GRM7: variants seen among roughly 807,000 people sequenced by gnomAD.
The protein encoded by GRM7 is metabotropic glutamate receptor 7.
Under a neutral mutation model 84.5 loss-of-function variants are expected in GRM7, and 35 were observed. The observed-to-expected ratio is 0.41, with a 90% CI of 0.32 to 0.55. The LOEUF is 0.55. GRM7 is among the 20% of genes least tolerant of loss of function. The pLI is 0.19. For missense variants in GRM7, 1,003 were observed against 1,194.6 expected (o/e 0.84, Z 2.36); for synonymous variants, 487 against 455.1 (o/e 1.07, Z -0.89).
intron 6 of GRM7, among the ~76,000 whole-genome samples, chr3:7,458,986 A>G (rs1391179469): frequency 6.6e-6 from 1 of 152,178 alleles, no homozygotes; most frequent in African/African-American, 2.4e-5. Flanking sequence ...AATATTAAAA[A>G]TCTTTTGTTG....
intron 1 of GRM7, among the ~76,000 whole-genome samples, chr3:6,957,089 A>G (rs1020109916): frequency 5.9e-5 from 9 of 152,192 alleles, no homozygotes; most frequent in African/African-American, 1.9e-4. Context: ...AGACCCTTTC[A>G]GTGCCTTCAG....
At chr3:7,205,506 T>G (rs1271051249) in intron 2 of GRM7, among the ~76,000 whole-genome samples, 4 of 152,220 alleles carry the variant, frequency 2.6e-5, no homozygotes, top group Non-Finnish European at 4.4e-5. Flanking sequence ...GTGTGATTAT[T>G]AGGCTGTGCC....
At position 7,489,251 on chromosome 3, in the gene GRM7, A is replaced by C. The variant is rs780691534; in HGVS notation, c.1515+27529A>C. Among the ~76,000 whole-genome samples the C allele has an allele frequency of 1.9e-4, 29 of 152,306 alleles. 2 individuals are homozygous for C. Among genetic ancestry groups the C allele is most frequent in the African/African-American group, 6.5e-4 (27 of 41,576 alleles). Reference sequence around the variant, plus strand: ...TTTTCTCTTCTTTTTCATTTTAAAAATTTTTTTATGAACTAGAAAATGTTA... The same window carrying C: ...TTTTCTCTTCTTTTTCATTTTAAAACTTTTTTTATGAACTAGAAAATGTTA... On this transcript the variant is annotated intron_variant, in intron 7 of 9. Coordinates refer to ENST00000357716, the MANE Select transcript of GRM7 (RefSeq NM_000844.4).
In GRM7 at chr3:6,862,686, C is replaced by CTAACT. The variant is rs113925177; in HGVS notation, c.519+779_519+780insTAACT. ...AGACCTCAGCCCAGGGATGAGCTCA[C>CTAACT]GCGAAACGAAATCGCTCTCCCTGCC... On this transcript the variant is annotated intron_variant, in intron 1 of 9. Transcript: ENST00000357716. This position sits in a 1 kb window ranked among gnomAD's most constrained non-coding sequence, Gnocchi z 5.2. 8.1e-4 allele frequency: 230 copies of CTAACT among 284,110 alleles called. 3 individuals carry two copies. The highest frequency in any genetic ancestry group is 6.1e-4 in the Non-Finnish European group (88 of 143,218). The allele number at this position is 284,110 out of a possible 1,614,324, so 17.6% of individuals were successfully genotyped here.
chr3:7,492,223 T>C (rs1307711705), intron 7 of GRM7, among the ~76,000 whole-genome samples: 2 of 152,194 alleles, frequency 1.3e-5, no homozygotes, highest in Non-Finnish European at 2.9e-5. Context: ...CGAGCTTTCA[T>C]AAAATGAGTT....
Position 7,558,230 on chromosome 3 carries a change from GA to G in GRM7, c.1516-20190del, listed in dbSNP as rs546898738. 3.3e-5 allele frequency among the ~76,000 whole-genome samples: 5 copies of G among 152,016 alleles called. No homozygotes were observed. The East Asian group carries it at 5.8e-4, about 18-fold the overall frequency. On this transcript the variant is annotated intron_variant, in intron 7 of 9. Transcript: ENST00000357716. Reference sequence around the variant, plus strand: ...GGGTTTGCTCATTCCAAGTTCAGGGGAATAATTCTTACCTTATGTAGTTTTT... The same window carrying G: ...GGGTTTGCTCATTCCAAGTTCAGGGGATAATTCTTACCTTATGTAGTTTTT...
intron 7 of GRM7, chr3:7,561,662 C>T (rs1694033833): frequency 2.3e-6 from 1 of 430,254 alleles, no homozygotes; most frequent in Non-Finnish European, 4.8e-6. Context: ...ATCAGATAAG[C>T]ACTCTATTTG....
chr3:7,487,070 C>T (rs1363169868), intron 7 of GRM7, among the ~76,000 whole-genome samples: 1 of 152,090 alleles, frequency 6.6e-6, no homozygotes, highest in Non-Finnish European at 1.5e-5. Context: ...AAGTAAAATA[C>T]AGTTGTGAAG....
At chr3:7,628,040 C>T (rs1305398407) in intron 8 of GRM7, among the ~76,000 whole-genome samples, 1 of 152,174 alleles carries the variant, frequency 6.6e-6, no homozygotes, top group Non-Finnish European at 1.5e-5. Flanking sequence ...CCCGTGCAAA[C>T]TCATGCCCCT....
intron 1 of GRM7, among the ~76,000 whole-genome samples, chr3:7,028,957 C>A (rs907381734): frequency 1.3e-5 from 2 of 152,132 alleles, no homozygotes; most frequent in African/African-American, 2.4e-5. Context: ...TAAAATGGTA[C>A]AGCTGCTGTG....
chr3:7,521,658 C>T (rs534392743), intron 7 of GRM7, among the ~76,000 whole-genome samples: 44 of 152,288 alleles, frequency 2.9e-4, no homozygotes, highest in Admixed American at 1.2e-3. Flanking sequence ...CATTATCCCT[C>T]CACATGACAT....
chr3:7,140,546 T>C (rs1165028047), intron 1 of GRM7, among the ~76,000 whole-genome samples: 1 of 152,090 alleles, frequency 6.6e-6, no homozygotes, highest in Non-Finnish European at 1.5e-5. Context: ...TCATAGGTTC[T>C]TTATTTGTAA....
At chr3:7,232,250 TAA>T (rs879482721) in intron 2 of GRM7, among the ~76,000 whole-genome samples, 1 of 142,822 alleles carries the variant, frequency 7.0e-6, no homozygotes, top group Admixed American at 7.0e-5. Context: ...TCAGATCTTG[TAA>T]AAAAAAAAAA....
At position 7,461,695 on chromosome 3, in the gene GRM7, G is replaced by T. The variant is rs368449370; in HGVS notation, c.1488G>T (p.Gly496=). Residue 496 remains glycine (G), a synonymous_variant, in exon 7 of 10, where the codon GGG becomes GGT. Transcript: ENST00000357716. ...GCAACCCGGGTTACCGTCTGATCGG[G>T]CAGTGGACAGACGAACTTCAGCTCA... ...NTSNPGYRLI[G]QWTDELQLNI... 37 of 1,613,696 alleles carry T rather than the reference G, an allele frequency of 2.3e-5. 1 individual carries two copies. The Middle Eastern group carries it at 2.6e-3, about 115-fold the overall frequency.
intron 1 of GRM7, among the ~76,000 whole-genome samples, chr3:7,103,766 CTTTCTTTCTTTCTT>C (rs1412840878): frequency 6.6e-5 from 4 of 61,052 alleles, no homozygotes; most frequent in African/African-American, 3.7e-4. Flanking sequence ...TTCTTTCTTT[CTTTCTTTCTTTCTT>C]TCTTTCTTTC....
chr3:7,422,066 G>T (rs1696419538), intron 5 of GRM7, among the ~76,000 whole-genome samples: 1 of 151,942 alleles, frequency 6.6e-6, no homozygotes. Context: ...CTGCACTCTA[G>T]CCTAGGTGAC....
intron 2 of GRM7, among the ~76,000 whole-genome samples, chr3:7,268,313 G>A (rs539878737): frequency 2.0e-5 from 3 of 150,702 alleles, no homozygotes; most frequent in South Asian, 2.1e-4. Context: ...AAAAATAGAC[G>A]AGTGTGTTGA....
intron 1 of GRM7, among the ~76,000 whole-genome samples, chr3:7,027,650 T>G (rs1267578007): frequency 6.6e-6 from 1 of 152,172 alleles, no homozygotes; most frequent in Non-Finnish European, 1.5e-5. Context: ...CAAAAAACCT[T>G]GTAAGAGGTT....
intron 8 of GRM7, among the ~76,000 whole-genome samples, chr3:7,597,198 A>T (rs1696091674): frequency 6.6e-6 from 1 of 152,110 alleles, no homozygotes; most frequent in Non-Finnish European, 1.5e-5. Flanking sequence ...GGACGTAGGC[A>T]TCTCACATGG....
Sources: gnomAD v4.1 joint callset for allele counts (sites outside exome capture counted in the v4.1 genomes callset) on GRCh38, gnomAD v4.1.1 for gene constraint, Gnocchi (gnomAD v3.1) non-coding constraint, MANE v1.5 for transcripts, NCBI Gene and HGNC (gene_info 2026-07-23, HGNC 2026-07-21) for gene names.